GCAT: variants seen among roughly 807,000 people sequenced by gnomAD.
The protein encoded by GCAT is 2-amino-3-ketobutyrate coenzyme A ligase, mitochondrial.
A neutral mutation model predicts 39.7 loss-of-function variants in GCAT; 26 were observed. The ratio of observed to expected loss-of-function variants is 0.65; its 90% CI spans 0.48 to 0.91. The LOEUF (loss-of-function observed/expected upper bound fraction) is 0.91. Ranked by LOEUF, GCAT falls within the 40% of genes least tolerant of loss-of-function variation. The probability of loss-of-function intolerance (pLI) is 0.00; values close to 1 mark genes in which losing one functional copy is unlikely to be tolerated. For missense variants in GCAT, 550 were observed against 576.2 expected, an observed-to-expected ratio of 0.95 and a Z score of 0.47; for synonymous variants, 218 against 237.2, an observed-to-expected ratio of 0.92 and a Z score of 0.74.
At position 37,812,981 on chromosome 22, in the gene GCAT, T is replaced by C; in HGVS notation, c.422T>C (p.Leu141Pro). 6.2e-7 allele frequency: 1 copy of C among 1,610,486 alleles called. No individual in the cohort carries two copies. The highest frequency in any genetic ancestry group is 1.1e-5 in the South Asian group (1 of 91,012). Residue 141 changes from leucine (L) to proline (P), a missense_variant, in exon 3 of 9, where the codon CTC becomes CCC. By Grantham distance (98) the Leu-to-Pro change is moderately conservative. Coordinates refer to ENST00000248924, the MANE Select transcript of GCAT (RefSeq NM_014291.4). ...AGCTGTTATGACGCCAACGCCGGCC[T>C]CTTTGAGGTGTGTGGAAGCTGTCCT... ...YPSCYDANAG[L>P]FEALLTPEDA...
chr22:37,811,058 G>A (rs1368010555), intron 2 of GCAT, among the ~76,000 whole-genome samples: 3 of 152,222 alleles, frequency 2.0e-5, no homozygotes. Flanking sequence ...ACAGTTGCCA[G>A]TGCTGCCCTT....
At chr22:37,815,372 T>C in intron 5 of GCAT, 46 bp from the exon 6 acceptor site, 1 of 1,598,022 alleles carries the variant, frequency 6.3e-7, no homozygotes, top group Non-Finnish European at 8.6e-7. Flanking sequence ...CCATAATCCC[T>C]GGGCTCTCAG....
chr22:37,808,144 C>T lies in GCAT; in HGVS notation c.177C>T (p.Arg59=). The T allele has an allele frequency of 1.3e-6, 2 of 1,515,290 alleles. No homozygotes were observed. The highest frequency in any genetic ancestry group is 1.8e-6 in the Non-Finnish European group (2 of 1,132,372). 93.9% of individuals were successfully genotyped at this position (1,515,290 alleles called of 1,614,324 possible). The part of the protein sequence containing the change: ...VITSRQGPHI[R]VDGVSGGILN... ...CGTCCCGTCAGGGGCCGCACATCCG[C>T]GTGGACGGCGTCTCCGGAGGTAACG... The change falls in exon 1 of 9, where the codon CGC becomes CGT. Residue 59 remains arginine, a synonymous_variant. Transcript: ENST00000248924.
At position 37,816,849 on chromosome 22, in the gene GCAT, T is replaced by G; in HGVS notation, c.*131T>G. 2 of 789,878 alleles carry G rather than the reference T, an allele frequency of 2.5e-6. No individual in the cohort carries two copies. Among genetic ancestry groups the G allele is most frequent in the Non-Finnish European group, 4.0e-6 (2 of 495,846 alleles). The allele number at this position is 789,878 out of a possible 1,614,324, so 48.9% of individuals were successfully genotyped here. ...CAGAGCTGGGCTGGGACGTGACCTG[T>G]GCTGAGGGCTGTGAGAATGTGAAAC... On this transcript the variant is annotated 3_prime_UTR_variant, in exon 9 of 9. Coordinates refer to ENST00000248924, the MANE Select transcript of GCAT (RefSeq NM_014291.4).
Position 37,807,966 on chromosome 22 carries a change from C to T in GCAT, c.-2C>T, listed in dbSNP as rs1449991780. ...CAGGCGCGCTCGGGCGAGGTAGGAG[C>T]GATGTGGCCTGGGAACGCCTGGCGC... On this transcript the variant is annotated 5_prime_UTR_variant, in exon 1 of 9. Transcript: ENST00000248924. The T allele has an allele frequency of 2.0e-6, 3 of 1,522,854 alleles. No individual in the cohort carries two copies. The highest frequency in any genetic ancestry group is 2.6e-6 in the Non-Finnish European group (3 of 1,139,308). 94.3% of individuals were successfully genotyped at this position (1,522,854 alleles called of 1,614,324 possible).
intron 4 of GCAT, among the ~76,000 whole-genome samples, chr22:37,814,157 A>G (rs915595037): frequency 2.0e-5 from 3 of 152,118 alleles, no homozygotes; most frequent in Non-Finnish European, 2.9e-5. Flanking sequence ...CTGTATTGCA[A>G]TGGTGCAGTC....
intron 7 of GCAT, 163 bp downstream of exon 7, chr22:37,815,997 T>G (rs896239039): frequency 2.0e-5 from 9 of 444,568 alleles, no homozygotes; most frequent in African/African-American, 4.3e-5. Flanking sequence ...CTTCTGTGTC[T>G]CCTTCTTATC....
rs906100006 is a variant in GCAT, at chr22:37,812,148, T to C, written c.328-739T>C. Among the ~76,000 whole-genome samples the C allele has an allele frequency of 3.4e-5, 5 of 147,650 alleles. No individual in the cohort carries two copies. The South Asian group carries it at 8.7e-4, about 26-fold the overall frequency. On this transcript the variant is annotated intron_variant, in intron 2 of 8. Coordinates refer to ENST00000248924, the MANE Select transcript of GCAT (RefSeq NM_014291.4). Reference sequence around the variant, plus strand: ...GAGTTTGAGACCAGCCTGGGCAACATAGCAAGACCCTCTCTCTAAAAAAAA... The same window carrying C: ...GAGTTTGAGACCAGCCTGGGCAACACAGCAAGACCCTCTCTCTAAAAAAAA...
intron 1 of GCAT, among the ~76,000 whole-genome samples, chr22:37,808,956 G>A (rs1046941007): frequency 6.6e-6 from 1 of 152,192 alleles, no homozygotes; most frequent in African/African-American, 2.4e-5. Flanking sequence ...CAAAGTGTTG[G>A]GATTACAGGC....
intron 4 of GCAT, 98 bp downstream of exon 4, chr22:37,813,707 T>C: frequency 8.8e-7 from 1 of 1,138,382 alleles, no homozygotes; most frequent in Non-Finnish European, 1.2e-6. Flanking sequence ...CCTGAAAGTT[T>C]GAAACAGCAG....
intron 4 of GCAT, among the ~76,000 whole-genome samples, chr22:37,814,160 G>A (rs1055839051): frequency 6.6e-6 from 1 of 152,118 alleles, no homozygotes; most frequent in African/African-American, 2.4e-5. Context: ...TATTGCAATG[G>A]TGCAGTCATA....
At chr22:37,816,139 C>T (rs780420401) in intron 7 of GCAT, 61 bp from the exon 8 acceptor site, 1 of 1,580,382 alleles carries the variant, frequency 6.3e-7, no homozygotes, top group Middle Eastern at 1.8e-4. Flanking sequence ...CTGGTCCCTG[C>T]AAGGAGCGGG....
intron 1 of GCAT, 25 bp downstream of exon 1, chr22:37,808,188 TC>T (rs1426339181): frequency 1.4e-6 from 2 of 1,443,920 alleles, no homozygotes; most frequent in Admixed American, 5.3e-5. Flanking sequence ...CGGGAGTCGT[TC>T]CAAGACCTTT....
In GCAT at chr22:37,815,705, G is replaced by T. The variant is rs772912290; in HGVS notation, c.857G>T (p.Arg286Leu). ...CCTGGGCCCCTGGTGTCCCTGCTGC[G>T]GCAGCGCGCCCGGCCATACCTCTTC... ...TGPGPLVSLL[R>L]QRARPYLFSN... is the part of the protein sequence containing the mutation. The change falls in exon 7 of 9, where the codon CGG becomes CTG. Residue 286 changes from arginine (R) to leucine (L), a missense_variant. Physicochemically the swap from Arg to Leu is moderately radical, Grantham distance 102. Transcript: ENST00000248924. 5.0e-6 allele frequency: 8 copies of T among 1,613,348 alleles called. No homozygotes were observed. The African/African-American group carries it at 8.0e-5, about 16-fold the overall frequency.
At position 37,813,620 on chromosome 22, in the gene GCAT, G is replaced by A. The variant is rs115392522; in HGVS notation, c.576+11G>A. 1,337 of 1,594,172 alleles carry A rather than the reference G, an allele frequency of 8.4e-4. 11 individuals carry two copies. The African/African-American group carries it at 0.016, about 19-fold the overall frequency. Reference sequence around the variant, plus strand: ...CTGCAGGAGGCCCAGGTGGGGCGACGCCTGGGTCCACCCTCAGCCTCCGCC... The same window carrying A: ...CTGCAGGAGGCCCAGGTGGGGCGACACCTGGGTCCACCCTCAGCCTCCGCC... On this transcript the variant is annotated intron_variant, in intron 4 of 8. Transcript: ENST00000248924.
chr22:37,813,915 G>A (rs772515067), intron 4 of GCAT, among the ~76,000 whole-genome samples: 7 of 151,232 alleles, frequency 4.6e-5, no homozygotes, highest in Non-Finnish European at 8.9e-5. Context: ...ACAGGCATCC[G>A]CCACCCCACC....
intron 1 of GCAT, 178 bp from the exon 2 acceptor site, chr22:37,809,849 T>A (rs1422030109): frequency 5.2e-6 from 4 of 765,166 alleles, no homozygotes; most frequent in Non-Finnish European, 6.5e-6. Flanking sequence ...CTTCTTGCTC[T>A]TCAAGATGTG....
At chr22:37,813,300 C>T (rs1403623753) in intron 3 of GCAT, 163 bp from the exon 4 acceptor site, 2 of 772,912 alleles carry the variant, frequency 2.6e-6, no homozygotes, top group Non-Finnish European at 4.6e-6. Flanking sequence ...TCCAGCCCGG[C>T]ACTGAGACAC....
At position 37,815,212 on chromosome 22, in the gene GCAT, C is replaced by T; in HGVS notation, c.663C>T (p.Ala221=). Residue 221 remains alanine (A), a synonymous_variant, in exon 5 of 9, where the codon GCC becomes GCT. Coordinates refer to ENST00000248924, the MANE Select transcript of GCAT (RefSeq NM_014291.4). ...IAPLQEICCL[A]SRYGALVFMD... is the part of the protein sequence containing the mutation. ...CCCTGCAGGAGATCTGCTGCCTCGC[C>T]TCTAGATATGGTGCCCTGGTCTTCA... is the stretch of plus-strand genomic sequence containing the variant. 1 of 1,614,136 alleles carries T rather than the reference C, an allele frequency of 6.2e-7. No individual in the cohort carries two copies. The highest frequency in any genetic ancestry group is 2.2e-5 in the East Asian group (1 of 44,884).
Sources: gnomAD v4.1 joint callset for allele counts (sites outside exome capture counted in the v4.1 genomes callset) on GRCh38, gnomAD v4.1.1 for gene constraint, MANE v1.5 for transcripts, NCBI Gene and HGNC (gene_info 2026-07-23, HGNC 2026-07-21) for gene names.